PTPRD: variants seen among roughly 807,000 people sequenced by gnomAD.
PTPRD encodes the protein protein tyrosine phosphatase receptor type D.
Under a neutral mutation model 214.5 loss-of-function variants are expected in PTPRD, and 34 were observed. The ratio of observed to expected loss-of-function variants is 0.16; its 90% CI spans 0.12 to 0.21. PTPRD has a LOEUF of 0.21. PTPRD is among the 10% of genes least tolerant of loss of function. The pLI, the probability that PTPRD is intolerant of heterozygous loss-of-function variation, is 1.00. For synonymous variants in PTPRD, 1,128 were observed against 845.7 expected (o/e 1.33, Z -5.79); for missense variants, 2,545 against 2,398.7 (o/e 1.06, Z -1.27).
At chr9:8,607,760 C>T (rs769726851) in intron 14 of PTPRD, among the ~76,000 whole-genome samples, 16 of 152,120 alleles carry the variant, frequency 1.1e-4, no homozygotes, top group Non-Finnish European at 1.8e-4. Flanking sequence ...TGCCAAACCT[C>T]GTGGAGATTC....
At chr9:8,531,265 G>C (rs2075611639) in intron 14 of PTPRD, among the ~76,000 whole-genome samples, 1 of 152,070 alleles carries the variant, frequency 6.6e-6, no homozygotes, top group South Asian at 2.1e-4. Flanking sequence ...ATGCAAATTA[G>C]GCTATGCTGG....
chr9:9,299,597 T>C (rs1426133498), intron 9 of PTPRD, among the ~76,000 whole-genome samples: 4 of 151,772 alleles, frequency 2.6e-5, no homozygotes, highest in African/African-American at 9.7e-5. Flanking sequence ...CCCTTCCTTT[T>C]TTGAAAGGTC....
chr9:10,076,493 T>C (rs571583288), intron 3 of PTPRD, among the ~76,000 whole-genome samples: 18 of 152,250 alleles, frequency 1.2e-4, no homozygotes, highest in South Asian at 6.2e-4. Flanking sequence ...AATGGATATA[T>C]AGACCCTGAA....
intron 12 of PTPRD, among the ~76,000 whole-genome samples, chr9:8,654,753 T>C (rs531005319): frequency 6.6e-6 from 1 of 152,292 alleles, no homozygotes; most frequent in South Asian, 2.1e-4. Context: ...AAAATAAACT[T>C]AATACATGAC....
chr9:8,728,980 A>G (rs903891588), intron 12 of PTPRD, among the ~76,000 whole-genome samples: 4 of 152,144 alleles, frequency 2.6e-5, no homozygotes, highest in South Asian at 2.1e-4. Flanking sequence ...ACTGTCTCAA[A>G]AAAACTAAAA....
chr9:10,375,007 A>G (rs975265974), intron 2 of PTPRD, among the ~76,000 whole-genome samples: 1 of 152,066 alleles, frequency 6.6e-6, no homozygotes, highest in Non-Finnish European at 1.5e-5. Context: ...CTAGATAAAA[A>G]CATCTTTGAA....
At chr9:10,076,005 A>T (rs887101266) in intron 3 of PTPRD, among the ~76,000 whole-genome samples, 7 of 152,116 alleles carry the variant, frequency 4.6e-5, no homozygotes, top group African/African-American at 1.2e-4. Context: ...TTAAACTAAT[A>T]ATCTATTTTG....
chr9:8,846,564 C>T (rs917173100), intron 11 of PTPRD, among the ~76,000 whole-genome samples: 3 of 152,138 alleles, frequency 2.0e-5, no homozygotes, highest in Non-Finnish European at 2.9e-5. Flanking sequence ...GAGTTGTCAG[C>T]TAAGCTATGC....
chr9:9,087,268 A>T (rs1263492520), intron 10 of PTPRD, among the ~76,000 whole-genome samples: 2 of 152,182 alleles, frequency 1.3e-5, no homozygotes, highest in African/African-American at 2.4e-5. Context: ...GGCCCTGAAG[A>T]GTTGGTGTTT....
At position 10,081,763 on chromosome 9, in the gene PTPRD, T is replaced by C. The variant is rs2098242027; in HGVS notation, c.-544-47973A>G. 2.0e-5 allele frequency among the ~76,000 whole-genome samples: 3 copies of C among 152,100 alleles called. 1 individual carries two copies. The highest frequency in any genetic ancestry group is 2.0e-4 in the Admixed American group (3 of 15,246). On this transcript the variant is annotated intron_variant, in intron 3 of 45. Transcript: ENST00000381196. ...AGGAAATAGCATTGGTTTTCACGTT[T>C]TGGTGTTGCAAATAGATGGAGTTTC...
At chr9:9,573,127 T>A (rs1168287589) in intron 8 of PTPRD, among the ~76,000 whole-genome samples, 1 of 151,746 alleles carries the variant, frequency 6.6e-6, no homozygotes, top group Non-Finnish European at 1.5e-5. Context: ...AAAGGGTTAA[T>A]AATTTGGTCT....
intron 8 of PTPRD, among the ~76,000 whole-genome samples, chr9:9,480,746 C>T (rs1408679445): frequency 6.6e-6 from 1 of 151,848 alleles, no homozygotes; most frequent in Non-Finnish European, 1.5e-5. Context: ...ATGCAATAGT[C>T]TTGATAAAAA....
At chr9:8,787,445 T>C (rs1407492861) in intron 11 of PTPRD, among the ~76,000 whole-genome samples, 2 of 152,188 alleles carry the variant, frequency 1.3e-5, no homozygotes, top group Non-Finnish European at 2.9e-5. Flanking sequence ...TTTTTTACCT[T>C]CTCATTTTCC....
intron 5 of PTPRD, among the ~76,000 whole-genome samples, chr9:9,885,108 A>G (rs2070344275): frequency 6.6e-6 from 1 of 152,126 alleles, no homozygotes; most frequent in Non-Finnish European, 1.5e-5. Context: ...TTAAAAATTC[A>G]ATGATAGAGC....
At chr9:8,790,295 T>G (rs1418693969) in intron 11 of PTPRD, among the ~76,000 whole-genome samples, 1 of 152,092 alleles carries the variant, frequency 6.6e-6, no homozygotes, top group Non-Finnish European at 1.5e-5. Flanking sequence ...AGATTACAGG[T>G]GTGAGCCGCT....
intron 11 of PTPRD, among the ~76,000 whole-genome samples, chr9:8,903,131 G>C (rs993546960): frequency 4.0e-5 from 6 of 151,360 alleles, no homozygotes; most frequent in Non-Finnish European, 8.8e-5. Flanking sequence ...AAGTGGCTTA[G>C]GGATCTATCT....
intron 14 of PTPRD, among the ~76,000 whole-genome samples, chr9:8,581,441 T>C (rs1457146461): frequency 1.3e-5 from 2 of 151,952 alleles, no homozygotes; most frequent in African/African-American, 2.4e-5. Flanking sequence ...CACATAAACA[T>C]CATAAAGAAA....
chr9:9,403,400 T>A (rs985393700), intron 8 of PTPRD, among the ~76,000 whole-genome samples: 2 of 106,140 alleles, frequency 1.9e-5, no homozygotes, highest in African/African-American at 7.6e-5. Context: ...TTCTAAATAT[T>A]GTTATATTTT....
At chr9:8,862,231 CTG>C (rs2098119702) in intron 11 of PTPRD, 1 of 152,198 alleles carries the variant, frequency 6.6e-6, no homozygotes, top group Admixed American at 6.5e-5. Context: ...TGGCACGTGT[CTG>C]TAATCCCAGC....
Sources: allele counts gnomAD v4.1 joint callset (sites outside exome capture counted in the v4.1 genomes callset), GRCh38; gene constraint gnomAD v4.1.1; transcripts MANE v1.5; gene names NCBI Gene and HGNC (gene_info 2026-07-23, HGNC 2026-07-21).